Variants in SCAPER observed in about 807,000 individuals in gnomAD.
The protein encoded by SCAPER is S-phase cyclin A associated protein in the ER, also known as S phase cyclin A-associated protein in the endoplasmic reticulum.
Under a neutral mutation model 182.2 loss-of-function variants are expected in SCAPER, and 98 were observed. The ratio of observed to expected loss-of-function variants is 0.54; its 90% CI spans 0.46 to 0.64. The LOEUF is 0.64. SCAPER is among the 30% of genes least tolerant of loss of function. SCAPER has a pLI of 0.00. For missense variants in SCAPER, 1,432 were observed against 1,690.0 expected, an observed-to-expected ratio of 0.85 and a Z score of 2.68; for synonymous variants, 605 against 564.6, an observed-to-expected ratio of 1.07 and a Z score of -1.01.
intron 26 of SCAPER, among the ~76,000 whole-genome samples, chr15:76,422,718 C>T (rs1041233006): frequency 6.6e-6 from 1 of 152,164 alleles, no homozygotes; most frequent in Non-Finnish European, 1.5e-5. Flanking sequence ...GGGAATGCTT[C>T]CAGCTTTTGC....
rs57202860 is a variant in SCAPER at position 76,497,109 on chromosome 15, C to CTTTTTTTTT, written c.2954+7741_2954+7749dup. Among the ~76,000 whole-genome samples, 313 of 86,692 alleles carry CTTTTTTTTT rather than the reference C, an allele frequency of 3.6e-3. 22 individuals are homozygous for CTTTTTTTTT. The highest frequency in any genetic ancestry group is 8.2e-3 in the African/African-American group (174 of 21,228). 56.9% of individuals were successfully genotyped at this position (86,692 alleles called of 152,430 possible). On this transcript the variant is annotated intron_variant, in intron 24 of 31. Transcript: ENST00000563290. ...TCCCATGAAGCAGTTTTGGTCTCCT[C>CTTTTTTTTT]TTTTTTTTTTTTTTTCCCAAAACGG...
chr15:76,817,872 T>C (rs2067216145), intron 5 of SCAPER, among the ~76,000 whole-genome samples: 1 of 152,162 alleles, frequency 6.6e-6, no homozygotes, highest in African/African-American at 2.4e-5. Flanking sequence ...TGACTCAATA[T>C]TGTCAAAATG....
chr15:76,730,980 G>T (rs2060890368), intron 16 of SCAPER, among the ~76,000 whole-genome samples: 1 of 152,060 alleles, frequency 6.6e-6, no homozygotes, highest in Admixed American at 6.6e-5. Context: ...CTTGAAAAGA[G>T]AACTGGTAGC....
At chr15:76,473,692 A>C (rs988433167) in intron 24 of SCAPER, among the ~76,000 whole-genome samples, 2 of 152,202 alleles carry the variant, frequency 1.3e-5, no homozygotes, top group East Asian at 3.8e-4. Context: ...GATTTTAACA[A>C]GTTCTGCAGG....
At chr15:76,480,410 C>T (rs2051013614) in intron 24 of SCAPER, among the ~76,000 whole-genome samples, 1 of 152,186 alleles carries the variant, frequency 6.6e-6, no homozygotes, top group African/African-American at 2.4e-5. Context: ...TAAGTCAGTG[C>T]CCCTCTCACA....
At chr15:76,452,588 G>A (rs531663170) in intron 25 of SCAPER, among the ~76,000 whole-genome samples, 3 of 152,262 alleles carry the variant, frequency 2.0e-5, no homozygotes, top group South Asian at 4.1e-4. Flanking sequence ...CCTTTCATAA[G>A]AACAATCATT....
At chr15:76,615,402 C>T (rs372495479) in intron 22 of SCAPER, among the ~76,000 whole-genome samples, 12 of 151,366 alleles carry the variant, frequency 7.9e-5, no homozygotes, top group African/African-American at 1.5e-4. Flanking sequence ...GCTGAGATCG[C>T]GCCACTGCAC....
At chr15:76,616,168 T>C (rs2051464195) in intron 22 of SCAPER, among the ~76,000 whole-genome samples, 1 of 152,202 alleles carries the variant, frequency 6.6e-6, no homozygotes, top group South Asian at 2.1e-4. Flanking sequence ...CTCAAAGAGA[T>C]ATTTGTATAC....
chr15:76,638,651 CTGAT>C lies in SCAPER; in HGVS notation c.2646-16826_2646-16823del, dbSNP rs1246810421. The stretch of plus-strand genomic sequence containing the variant: ...TTTTCTATTAATGTGGTGAATTATA[CTGAT>C]TGATTTTCAAATAGTCAACCAATCT... On this transcript the variant is annotated intron_variant, in intron 21 of 31. Coordinates refer to ENST00000563290, the MANE Select transcript of SCAPER (RefSeq NM_020843.4). Among the ~76,000 whole-genome samples the C allele has an allele frequency of 2.6e-5, 4 of 152,186 alleles. No individual in the cohort carries two copies. In the South Asian group the frequency reaches 6.2e-4, roughly 24 times the overall value.
intron 1 of SCAPER, among the ~76,000 whole-genome samples, chr15:76,891,164 A>G (rs1441738764): frequency 6.6e-6 from 1 of 152,204 alleles, no homozygotes; most frequent in Non-Finnish European, 1.5e-5. Flanking sequence ...TTGATGGAAC[A>G]TATCTCAAAA....
intron 24 of SCAPER, among the ~76,000 whole-genome samples, chr15:76,491,136 C>A (rs2052259620): frequency 6.6e-6 from 1 of 152,134 alleles, no homozygotes. Flanking sequence ...TGTATATACA[C>A]AGATTTTTGG....
chr15:76,436,090 C>G (rs1354925321), intron 25 of SCAPER, among the ~76,000 whole-genome samples: 1 of 152,044 alleles, frequency 6.6e-6, no homozygotes, highest in African/African-American at 2.4e-5. Flanking sequence ...TTTTTGGAGA[C>G]AGAGTCTCAC....
At chr15:76,468,929 GT>G (rs1414565956) in intron 25 of SCAPER, among the ~76,000 whole-genome samples, 4 of 152,124 alleles carry the variant, frequency 2.6e-5, no homozygotes, top group African/African-American at 9.7e-5. Flanking sequence ...CAAGTCAGCA[GT>G]TTGAAACCTG....
chr15:76,800,500 A>C (rs531474925), intron 6 of SCAPER, 136 bp from the exon 7 acceptor site: 3 of 660,604 alleles, frequency 4.5e-6, no homozygotes, highest in South Asian at 3.5e-5. Context: ...CAACATGTGC[A>C]AATGTTCCCC....
chr15:76,858,011 TCC>T (rs2071553077), intron 3 of SCAPER, 132 bp from the exon 4 acceptor site: 3 of 629,616 alleles, frequency 4.8e-6, no homozygotes, highest in Middle Eastern at 4.3e-4. Flanking sequence ...TTAATCTCCT[TCC>T]AGAGACCACA....
chr15:76,440,722 A>C (rs945881403), intron 25 of SCAPER, among the ~76,000 whole-genome samples: 3 of 152,202 alleles, frequency 2.0e-5, no homozygotes, highest in Non-Finnish European at 4.4e-5. Flanking sequence ...GTCACTAAAC[A>C]TGCAACAGTC....
chr15:76,754,234 T>G (rs76330521), intron 14 of SCAPER, among the ~76,000 whole-genome samples: 1 of 152,044 alleles, frequency 6.6e-6, no homozygotes, highest in Non-Finnish European at 1.5e-5. Context: ...ACAGGATTAT[T>G]TGAAGGTTCA....
At chr15:76,500,907 G>C (rs2041052727) in intron 24 of SCAPER, among the ~76,000 whole-genome samples, 1 of 151,994 alleles carries the variant, frequency 6.6e-6, no homozygotes, top group Admixed American at 6.6e-5. Flanking sequence ...GCCAGGCATG[G>C]TGGCGTGTGC....
At chr15:76,523,388 A>T (rs2042964101) in intron 23 of SCAPER, among the ~76,000 whole-genome samples, 1 of 152,150 alleles carries the variant, frequency 6.6e-6, no homozygotes, top group South Asian at 2.1e-4. Flanking sequence ...CCACAGAAGT[A>T]CTGAGCTATG....
Sources: gnomAD v4.1 joint callset for allele counts (sites outside exome capture counted in the v4.1 genomes callset) on GRCh38, gnomAD v4.1.1 for gene constraint, MANE v1.5 for transcripts, NCBI Gene and HGNC (gene_info 2026-07-23, HGNC 2026-07-21) for gene names.